COL5A1: variants seen among roughly 807,000 people sequenced by gnomAD.
COL5A1 encodes collagen alpha-1(V) chain.
In COL5A1, 16 loss-of-function variants were observed where a neutral mutation model predicts 263.7. That is an observed-to-expected ratio of 0.06 (90% CI 0.04 to 0.09). COL5A1 has a LOEUF of 0.09. Among genes scored for constraint, COL5A1 ranks in the 10% least tolerant of loss-of-function variants. The pLI, the probability that COL5A1 is intolerant of heterozygous loss-of-function variation, is 1.00. For missense variants in COL5A1, 2,036 were observed against 2,540.5 expected, an observed-to-expected ratio of 0.80 and a Z score of 4.27; for synonymous variants, 1,012 against 1,004.5, an observed-to-expected ratio of 1.01 and a Z score of -0.14.
chr9:134,786,682 T>C (rs932599348), intron 31 of COL5A1, among the ~76,000 whole-genome samples: 4 of 151,488 alleles, frequency 2.6e-5, no homozygotes, highest in Admixed American at 1.3e-4. Flanking sequence ...CTTGAGGCTT[T>C]GGAAATCATT....
At position 134,808,973 on chromosome 9, in the gene COL5A1, T is replaced by C. The variant is rs375510038; in HGVS notation, c.3367-210T>C. 331 of 615,738 alleles carry C rather than the reference T, an allele frequency of 5.4e-4. No individual in the cohort carries two copies. In the Middle Eastern group the frequency reaches 9.7e-3, roughly 18 times the overall value. 38.1% of individuals were successfully genotyped at this position (615,738 alleles called of 1,614,324 possible). ...CTTTCCTAGGATGAGTGTGGATTAA[T>C]TGAAGCGATGCACCAGAAGTTCATG... is the stretch of plus-strand genomic sequence containing the variant. On this transcript the variant is annotated intron_variant, in intron 42 of 65. Transcript: ENST00000371817.
At chr9:134,650,609 G>A (rs1831645823) in intron 1 of COL5A1, among the ~76,000 whole-genome samples, 1 of 152,224 alleles carries the variant, frequency 6.6e-6, no homozygotes. Flanking sequence ...GTGTGGCCAA[G>A]GCCAGTCTAG....
intron 2 of COL5A1, among the ~76,000 whole-genome samples, chr9:134,695,625 G>A (rs895327326): frequency 6.6e-6 from 1 of 152,172 alleles, no homozygotes; most frequent in African/African-American, 2.4e-5. Flanking sequence ...CAGGATAGGG[G>A]TTCCCTGATG....
rs1375793378 is a variant in COL5A1, at chr9:134,767,022, C to A, written c.2156C>A (p.Pro719His). Residue 719 changes from proline to histidine, a missense_variant, in exon 23 of 66, where the codon CCC becomes CAC. By Grantham distance (77) the Pro-to-His change is moderately conservative (BLOSUM62 -2). Around this residue, in one of 3 missense-constraint regions of COL5A1, gnomAD observed 1,078 missense variants for 1,521.4 expected, o/e 0.71. Transcript: ENST00000371817. ...TAGGGTCCCCAGGGAGAGCCTGGCC[C>A]CCCAGGACAGCAGGGTAATCCAGGC... ...GNVGPQGEPG[P>H]PGQQGNPGAQ... 1.2e-6 allele frequency: 2 copies of A among 1,613,722 alleles called. No homozygotes were observed. Among genetic ancestry groups the A allele is most frequent in the Middle Eastern group, 1.7e-4 (1 of 6,036 alleles).
At chr9:134,692,902 A>T (rs1158404598) in intron 2 of COL5A1, among the ~76,000 whole-genome samples, 1 of 152,088 alleles carries the variant, frequency 6.6e-6, no homozygotes, top group Non-Finnish European at 1.5e-5. Flanking sequence ...GTGAAACTCC[A>T]TCTCTACCAA....
At position 134,642,143 on chromosome 9, in the gene COL5A1, G is replaced by C; in HGVS notation, c.-45G>C. 1.6e-6 allele frequency: 2 copies of C among 1,236,064 alleles called. No individual in the cohort carries two copies. The highest frequency in any genetic ancestry group is 2.0e-6 in the Non-Finnish European group (2 of 993,220). 76.6% of individuals were successfully genotyped at this position (1,236,064 alleles called of 1,614,324 possible). ...GACCCGCGCCCCTGTGCGTCCCCGC[G>C]CGCCTCCGAGCGCCCCTGTGCGCCC... On this transcript the variant is annotated 5_prime_UTR_variant, in exon 1 of 66. Transcript: ENST00000371817. The surrounding 1 kb of genome is among the most constrained non-coding windows in gnomAD (Gnocchi z 4.5).
At chr9:134,759,909 CCCCACACTCATACATG>C (rs1836237615) in intron 18 of COL5A1, among the ~76,000 whole-genome samples, 1 of 116,922 alleles carries the variant, frequency 8.6e-6, no homozygotes, top group African/African-American at 3.5e-5. Flanking sequence ...ACCCATGCAC[CCCCACACTCATACATG>C]CACACACACG....
rs1831711683 is a variant in COL5A1, at chr9:134,652,191, G to C, written c.109+9895G>C. 6.6e-6 allele frequency among the ~76,000 whole-genome samples: 1 copy of C among 152,158 alleles called. No individual in the cohort carries two copies. The highest frequency in any genetic ancestry group is 1.5e-5 in the Non-Finnish European group (1 of 68,020). ...GGTAATTATTATTCATGCTATTTAG[G>C]GTCATAGGTCTCAGTAATGGTCGAC... On this transcript the variant is annotated intron_variant, in intron 1 of 65. Coordinates refer to ENST00000371817, the MANE Select transcript of COL5A1 (RefSeq NM_000093.5). This position sits in a 1 kb window ranked among gnomAD's most constrained non-coding sequence, Gnocchi z 4.4.
chr9:134,732,081 C>G lies in COL5A1; in HGVS notation c.1343C>G (p.Pro448Arg), dbSNP rs1197253216. ...QDTIYEGIGG[P>R]RGEKGQKGEP... ...TTTTATCACCCCCAGATTGGAGGAC[C>G]TCGGGGCGAGAAAGGCCAAAAGGGA... The change falls in exon 9 of 66, where the codon CCT becomes CGT. Residue 448 changes from proline (P) to arginine (R), a missense_variant. Physicochemically the swap from Pro to Arg is moderately radical, Grantham distance 103. Around this residue, in one of 3 missense-constraint regions of COL5A1, gnomAD observed 600 missense variants for 634.5 expected, o/e 0.95. Transcript: ENST00000371817. 2.5e-6 allele frequency: 4 copies of G among 1,614,196 alleles called. No homozygotes were observed. In the East Asian group the frequency reaches 8.9e-5, roughly 36 times the overall value.
intron 2 of COL5A1, among the ~76,000 whole-genome samples, chr9:134,697,554 AGTGGACTCAGATG>A (rs1833522640): frequency 1.3e-5 from 2 of 152,092 alleles, no homozygotes; most frequent in African/African-American, 4.8e-5. Flanking sequence ...AGAGTGAGGG[AGTGGACTCAGATG>A]GTGACTGTGC....
At position 134,763,686 on chromosome 9, in the gene COL5A1, T is replaced by G; in HGVS notation, c.1990-7T>G. The G allele has an allele frequency of 6.2e-7, 1 of 1,613,544 alleles. No individual in the cohort carries two copies. Among genetic ancestry groups the G allele is most frequent in the South Asian group, 1.1e-5 (1 of 91,012 alleles). The stretch of plus-strand genomic sequence containing the variant: ...TTCTCTAACCTTGCCTTTTTTCTCC[T>G]CTGCAGGGTGACGACGGAGAAGTTG... On this transcript the variant is annotated splice_polypyrimidine_tract_variant and splice_region_variant and intron_variant, in intron 19 of 65. Coordinates refer to ENST00000371817, the MANE Select transcript of COL5A1 (RefSeq NM_000093.5).
At chr9:134,807,466 T>C (rs568378982) in intron 42 of COL5A1, among the ~76,000 whole-genome samples, 9 of 152,310 alleles carry the variant, frequency 5.9e-5, no homozygotes, top group African/African-American at 2.2e-4. Context: ...GCTACTTTTG[T>C]ACTTTTAGTA....
At chr9:134,674,489 G>A (rs922449050) in intron 1 of COL5A1, among the ~76,000 whole-genome samples, 6 of 151,950 alleles carry the variant, frequency 3.9e-5, no homozygotes, top group African/African-American at 1.4e-4. Flanking sequence ...TCCTGGGGGT[G>A]ATGGACATGT....
At chr9:134,834,603 G>C (rs1273345876) in intron 64 of COL5A1, among the ~76,000 whole-genome samples, 2 of 152,226 alleles carry the variant, frequency 1.3e-5, no homozygotes, top group Non-Finnish European at 2.9e-5. Context: ...TGCTAGGGAA[G>C]ACAGACACTG....
intron 37 of COL5A1, among the ~76,000 whole-genome samples, chr9:134,800,389 G>A (rs911383542): frequency 2.0e-5 from 3 of 152,134 alleles, no homozygotes; most frequent in Non-Finnish European, 4.4e-5. Flanking sequence ...CATTAGAAAC[G>A]ATCATTCTAG....
At chr9:134,801,014 C>T (rs1226005694) in intron 37 of COL5A1, among the ~76,000 whole-genome samples, 1 of 152,214 alleles carries the variant, frequency 6.6e-6, no homozygotes, top group Non-Finnish European at 1.5e-5. Context: ...CTCGCTGGCA[C>T]CTGTCATGCT....
At chr9:134,750,021 G>A (rs937585502) in intron 11 of COL5A1, among the ~76,000 whole-genome samples, 1 of 152,190 alleles carries the variant, frequency 6.6e-6, no homozygotes, top group Non-Finnish European at 1.5e-5. Flanking sequence ...GCTCTGCTGT[G>A]TTGCGTGTCC....
chr9:134,795,621 A>G (rs1257354099), intron 34 of COL5A1, among the ~76,000 whole-genome samples: 1 of 152,034 alleles, frequency 6.6e-6, no homozygotes, highest in Non-Finnish European at 1.5e-5. Context: ...CCGCAGACTC[A>G]CCCGCCCTGG....
intron 8 of COL5A1, 83 bp downstream of exon 8, chr9:134,731,746 A>T: frequency 1.4e-6 from 2 of 1,470,086 alleles, no homozygotes; most frequent in Non-Finnish European, 1.8e-6. Flanking sequence ...GAGCCTCCTC[A>T]GGGGTGGGCC....
Sources: gnomAD v4.1 joint callset for allele counts (sites outside exome capture counted in the v4.1 genomes callset) on GRCh38, gnomAD v4.1.1 for gene constraint, gnomAD v4.1.1 regional missense constraint, Gnocchi (gnomAD v3.1) non-coding constraint, MANE v1.5 for transcripts, NCBI Gene and HGNC (gene_info 2026-07-23, HGNC 2026-07-21) for gene names.